Variants in NKTR observed in about 807,000 individuals in gnomAD.
NKTR encodes the protein NK-tumor recognition protein.
Under a neutral mutation model 156.3 loss-of-function variants are expected in NKTR, and 67 were observed. That is an observed-to-expected ratio of 0.43 (90% confidence interval 0.35 to 0.53). The LOEUF (loss-of-function observed/expected upper bound fraction) is 0.53. Among genes scored for constraint, NKTR ranks in the 20% least tolerant of loss-of-function variants. The pLI is 0.01. For missense variants in NKTR, 1,604 were observed against 1,730.9 expected (o/e 0.93, Z 1.30); for synonymous variants, 640 against 596.6 (o/e 1.07, Z -1.06).
intron 2 of NKTR, among the ~76,000 whole-genome samples, chr3:42,605,759 A>C (rs1270329163): frequency 6.6e-6 from 1 of 152,196 alleles, no homozygotes; most frequent in Non-Finnish European, 1.5e-5. Flanking sequence ...GACTAGATGC[A>C]ATGGCCTGAA....
In NKTR at chr3:42,639,726, C is replaced by T; in HGVS notation, c.4022C>T (p.Ser1341Leu). ...SVSYSHSRSR[S>L]RSSTSSYRSR... ...TCCTATAGTCACTCAAGAAGTCGAT[C>T]GAGAAGTTCCACATCATCTTATCGG... The change falls in exon 13 of 17, where the codon TCG becomes TTG. Residue 1341 changes from serine to leucine, a missense_variant. Transcript: ENST00000232978. 5 of 1,609,190 alleles carry T rather than the reference C, an allele frequency of 3.1e-6. No individual in the cohort carries two copies. Among genetic ancestry groups the T allele is most frequent in the African/African-American group, 1.3e-5 (1 of 74,758 alleles).
chr3:42,600,956 T>C, intron 1 of NKTR, 28 bp from the exon 2 acceptor site: 1 of 1,358,824 alleles, frequency 7.4e-7, no homozygotes, highest in Non-Finnish European at 1.0e-6. Flanking sequence ...GCCCCTGCCC[T>C]GACCGCTTTT....
At chr3:42,615,508 T>G (rs1707272870) in intron 2 of NKTR, among the ~76,000 whole-genome samples, 1 of 152,124 alleles carries the variant, frequency 6.6e-6, no homozygotes. Flanking sequence ...AATTTCCAAT[T>G]ATCTGTTAAG....
In NKTR at chr3:42,647,696, C is replaced by T. The variant is rs528784114; in HGVS notation, c.*1721C>T. On this transcript the variant is annotated 3_prime_UTR_variant, in exon 17 of 17. Transcript: ENST00000232978. ...ATTAAAGGTTTCCAAAGGTTGCCTG[C>T]AAAGGAGAATATTACTACTAGTCAG... is the stretch of plus-strand genomic sequence containing the variant. 2.0e-5 allele frequency: 3 copies of T among 152,126 alleles called. No individual in the cohort carries two copies. Among genetic ancestry groups the T allele is most frequent in the African/African-American group, 7.2e-5 (3 of 41,488 alleles). The allele number at this position is 152,126 out of a possible 1,614,324, so 9.4% of individuals were successfully genotyped here. A position where few individuals can be genotyped will look rare whatever the true frequency, so the allele number is the denominator to read the frequency against.
chr3:42,644,048 G>A (rs748442895), intron 16 of NKTR, 45 bp downstream of exon 16: 12 of 1,304,470 alleles, frequency 9.2e-6, no homozygotes, highest in Admixed American at 3.7e-5. Context: ...TGTAGGCCAC[G>A]GTGGGCACTT....
chr3:42,619,159 C>T, intron 4 of NKTR, 32 bp downstream of exon 4: 3 of 1,586,106 alleles, frequency 1.9e-6, no homozygotes, highest in African/African-American at 1.4e-5. Flanking sequence ...CTAATAACTC[C>T]ATCTATCAGT....
At position 42,638,430 on chromosome 3, in the gene NKTR, A is replaced by C; in HGVS notation, c.2726A>C (p.Lys909Thr). 1 of 1,613,370 alleles carries C rather than the reference A, an allele frequency of 6.2e-7. No individual in the cohort carries two copies. The highest frequency in any genetic ancestry group is 8.5e-7 in the Non-Finnish European group (1 of 1,179,812). The change falls in exon 13 of 17, where the codon AAG (lysine) becomes ACG (threonine). Residue 909 changes from lysine (K) to threonine (T), a missense_variant. By Grantham distance (78) the Lys-to-Thr change is moderately conservative. This residue lies in a region of NKTR where 1,255 missense variants were observed against 1,243.7 expected (regional missense o/e 1.01). Transcript: ENST00000232978. ...AATGACTCCCATCCATCCTCTGACA[A>C]GGAAGAAGGTGAGGCCACATCCGAT... The part of the protein sequence containing the change: ...SKNDSHPSSD[K>T]EEGEATSDSE...
At chr3:42,639,877 T>G (rs1307226668) in intron 13 of NKTR, 127 bp downstream of exon 13, 2 of 777,750 alleles carry the variant, frequency 2.6e-6, no homozygotes, top group Non-Finnish European at 4.1e-6. Context: ...AGTCTTGTTT[T>G]GTGTGATTCA....
At chr3:42,632,553 G>A (rs771025789) in intron 8 of NKTR, 48 bp from the exon 9 acceptor site, 15 of 1,134,180 alleles carry the variant, frequency 1.3e-5, no homozygotes, top group Non-Finnish European at 1.9e-5. Flanking sequence ...ACTCTGAAAG[G>A]TAGGCACTGA....
In NKTR at chr3:42,638,826, A is replaced by G. The variant is rs141514629; in HGVS notation, c.3122A>G (p.Glu1041Gly). Residue 1041 changes from glutamate to glycine, a missense_variant, in exon 13 of 17, where the codon GAG (glutamate) becomes GGG (glycine). Around this residue, in one of 6 missense-constraint regions of NKTR, gnomAD observed 1,255 missense variants for 1,243.7 expected, o/e 1.01. Coordinates refer to ENST00000232978, the MANE Select transcript of NKTR (RefSeq NM_005385.4). Reference sequence around the variant, plus strand: ...AAGCAAGTTACTCAGGAATCAAAAGAGAAAAAAGTTTCTGAAAACAATGAA... The same window carrying G: ...AAGCAAGTTACTCAGGAATCAAAAGGGAAAAAAGTTTCTGAAAACAATGAA... ...DDKQVTQESK[E>G]KKVSENNETI... is the part of the protein sequence containing the mutation. 5 of 1,602,554 alleles carry G rather than the reference A, an allele frequency of 3.1e-6. No individual in the cohort carries two copies. Among genetic ancestry groups the G allele is most frequent in the Non-Finnish European group, 4.2e-6 (5 of 1,177,216 alleles).
intron 10 of NKTR, 86 bp downstream of exon 10, chr3:42,633,821 A>C: frequency 7.0e-7 from 1 of 1,436,338 alleles, no homozygotes; most frequent in Non-Finnish European, 9.7e-7. Context: ...CATGTATGGA[A>C]CATGATCCAT....
intron 5 of NKTR, chr3:42,620,385 T>A (rs989543725): frequency 1.1e-5 from 11 of 1,037,334 alleles, no homozygotes; most frequent in African/African-American, 1.7e-5. Flanking sequence ...TAGTAGCATC[T>A]GCATAAATCT....
chr3:42,603,622 T>C (rs1204063561), intron 2 of NKTR, among the ~76,000 whole-genome samples: 4 of 152,176 alleles, frequency 2.6e-5, no homozygotes, highest in Non-Finnish European at 5.9e-5. Context: ...ATGCAATGCT[T>C]ACATTGTTCT....
intron 15 of NKTR, 74 bp downstream of exon 15, chr3:42,643,469 G>A: frequency 7.8e-7 from 1 of 1,275,418 alleles, no homozygotes; most frequent in Non-Finnish European, 1.1e-6. Context: ...TTTGTTCAAA[G>A]TGGTATTTTA....
chr3:42,618,619 AT>A (rs202100971), intron 3 of NKTR, among the ~76,000 whole-genome samples: 115 of 144,700 alleles, frequency 7.9e-4, no homozygotes, highest in Admixed American at 7.6e-4. Flanking sequence ...TAATTTTTGT[AT>A]TTTTTTTTTT....
At chr3:42,604,582 GT>G (rs1706006616) in intron 2 of NKTR, among the ~76,000 whole-genome samples, 1 of 130,102 alleles carries the variant, frequency 7.7e-6, no homozygotes, top group Non-Finnish European at 1.6e-5. Context: ...TTTTCTACTT[GT>G]TTATTGATTA....
intron 13 of NKTR, 29 bp downstream of exon 13, chr3:42,639,779 C>T (rs758851342): frequency 6.9e-7 from 1 of 1,443,498 alleles, no homozygotes; most frequent in Admixed American, 1.9e-5. Flanking sequence ...CCTTTCTTCT[C>T]CCAAGGAGAG....
intron 11 of NKTR, 68 bp from the exon 12 acceptor site, chr3:42,635,153 A>T: frequency 7.8e-7 from 1 of 1,281,862 alleles, no homozygotes; most frequent in Non-Finnish European, 1.1e-6. Context: ...TCTTTTACTT[A>T]ACTCTGTCAC....
chr3:42,608,547 C>T (rs1706465281), intron 2 of NKTR, among the ~76,000 whole-genome samples: 1 of 152,174 alleles, frequency 6.6e-6, no homozygotes, highest in Admixed American at 6.5e-5. Context: ...TCTCTCTAAA[C>T]CCTGCCATTT....
Sources: gnomAD v4.1 joint callset for allele counts (sites outside exome capture counted in the v4.1 genomes callset) on GRCh38, gnomAD v4.1.1 for gene constraint, gnomAD v4.1.1 regional missense constraint, MANE v1.5 for transcripts, NCBI Gene and HGNC (gene_info 2026-07-23, HGNC 2026-07-21) for gene names.